The following ARSB variants were observed in gnomAD, a reference collection of about 807,000 sequenced individuals.
ARSB encodes arylsulfatase B.
ARSB carries 41 observed loss-of-function variants against 50.9 expected under a neutral mutation model. The ratio of observed to expected loss-of-function variants is 0.81; its 90% CI spans 0.63 to 1.04. ARSB has a LOEUF of 1.04. Among genes scored for constraint, ARSB ranks in the 50% least tolerant of loss-of-function variants. The pLI is 0.00. For missense variants in ARSB, 672 were observed against 693.3 expected, an observed-to-expected ratio of 0.97 and a Z score of 0.35; for synonymous variants, 269 against 284.8, an observed-to-expected ratio of 0.94 and a Z score of 0.56.
chr5:78,928,073 G>A (rs753073797), intron 4 of ARSB, among the ~76,000 whole-genome samples: 7 of 152,082 alleles, frequency 4.6e-5, no homozygotes, highest in Non-Finnish European at 7.4e-5. Context: ...CACATCCTTC[G>A]GGGAGTCACA....
intron 6 of ARSB, among the ~76,000 whole-genome samples, chr5:78,838,723 C>T (rs1195434320): frequency 1.3e-5 from 2 of 152,190 alleles, no homozygotes; most frequent in Non-Finnish European, 2.9e-5. Context: ...TAGGGCCACT[C>T]GCATGGTATT....
intron 6 of ARSB, among the ~76,000 whole-genome samples, chr5:78,807,921 G>A (rs1037492621): frequency 3.3e-4 from 50 of 150,964 alleles, no homozygotes; most frequent in African/African-American, 1.1e-3. Flanking sequence ...GTGAAACCCC[G>A]TCTCTACTAA....
intron 6 of ARSB, among the ~76,000 whole-genome samples, chr5:78,803,107 T>C (rs147068536): frequency 6.7e-4 from 102 of 152,362 alleles, no homozygotes; most frequent in African/African-American, 2.3e-3. Context: ...CTTATCTGAA[T>C]GCAATAAAGA....
Position 78,885,792 on chromosome 5 carries a change from A to G in ARSB, c.934T>C (p.Trp312Arg), listed in dbSNP as rs398123124. Reference protein sequence around the residue: ...GGQTLAGGNNWPLRGRKWSLW... With the variant: ...GGQTLAGGNNRPLRGRKWSLW... ...CTCCATTTTCTTCCTCGAAGGGGCC[A>G]GTTATTACCCCCTGCCAAAGTCTGC... Residue 312 changes from tryptophan (W) to arginine (R), a missense_variant, in exon 5 of 8, where the codon TGG becomes CGG. Coordinates refer to ENST00000264914, the MANE Select transcript of ARSB (RefSeq NM_000046.5). 31 of 1,614,070 alleles carry G rather than the reference A, an allele frequency of 1.9e-5. No homozygotes were observed. Among genetic ancestry groups the G allele is most frequent in the Non-Finnish European group, 2.5e-5 (29 of 1,180,044 alleles).
chr5:78,873,593 T>A (rs370898624), intron 5 of ARSB, among the ~76,000 whole-genome samples: 1 of 139,320 alleles, frequency 7.2e-6, no homozygotes, highest in African/African-American at 2.6e-5. Context: ...CCTCCCGGGT[T>A]CACGCCATTC....
chr5:78,912,388 A>C (rs536967655), intron 4 of ARSB, among the ~76,000 whole-genome samples: 1 of 152,342 alleles, frequency 6.6e-6, no homozygotes, highest in South Asian at 2.1e-4. Context: ...TGATTTGGTG[A>C]AGCCCACAGC....
At chr5:78,813,693 G>T (rs1033201805) in intron 6 of ARSB, among the ~76,000 whole-genome samples, 3 of 152,098 alleles carry the variant, frequency 2.0e-5, no homozygotes, top group Non-Finnish European at 4.4e-5. Context: ...GGAGCTCAAG[G>T]CTGCAGTGAG....
At chr5:78,961,477 A>T (rs1751980328) in intron 3 of ARSB, among the ~76,000 whole-genome samples, 1 of 152,184 alleles carries the variant, frequency 6.6e-6, no homozygotes, top group African/African-American at 2.4e-5. Flanking sequence ...ACAGTTACCT[A>T]CGAACAGCGG....
rs962008622 is a variant in ARSB, at chr5:78,871,026, C to A, written c.1142+14558G>T. ...AGCATTCCTATACACCAACAACAGA[C>A]AAACAGAGAGCCAAATCATGAGTGA... On this transcript the variant is annotated intron_variant, in intron 5 of 7. Coordinates refer to ENST00000264914, the MANE Select transcript of ARSB (RefSeq NM_000046.5). Among the ~76,000 whole-genome samples, 4 of 150,476 alleles carry A rather than the reference C, an allele frequency of 2.7e-5. No homozygotes were observed. The East Asian group carries it at 5.8e-4, about 22-fold the overall frequency.
chr5:78,806,096 T>C (rs1445330853), intron 6 of ARSB, among the ~76,000 whole-genome samples: 3 of 152,228 alleles, frequency 2.0e-5, no homozygotes, highest in African/African-American at 4.8e-5. Context: ...AGCAATACAA[T>C]AGAGAGAAAA....
Position 78,955,470 on chromosome 5 carries a change from C to A in ARSB, c.723G>T (p.Val241=), listed in dbSNP as rs199858121. 6.2e-7 allele frequency: 1 copy of A among 1,614,112 alleles called. No individual in the cohort carries two copies. The highest frequency in any genetic ancestry group is 8.5e-7 in the Non-Finnish European group (1 of 1,180,000). Residue 241 remains valine (V), a synonymous_variant, in exon 4 of 8, where the codon GTG becomes GTT. Coordinates refer to ENST00000264914, the MANE Select transcript of ARSB (RefSeq NM_000046.5). ...CCTCAGGGACCTGAAGGGGCTCATG[C>A]ACAGACTGGAGAGCAAGGTAGAGAA... ...PLFLYLALQS[V]HEPLQVPEEY...
chr5:78,863,831 TA>T (rs1438467731), intron 5 of ARSB, among the ~76,000 whole-genome samples: 6 of 152,084 alleles, frequency 3.9e-5, no homozygotes, highest in Non-Finnish European at 8.8e-5. Context: ...CTATCATCTT[TA>T]TTTCATAAAC....
At chr5:78,822,927 C>T (rs1321782663) in intron 6 of ARSB, among the ~76,000 whole-genome samples, 1 of 152,204 alleles carries the variant, frequency 6.6e-6, no homozygotes, top group Non-Finnish European at 1.5e-5. Flanking sequence ...TGAGCCAACA[C>T]GCCTGGCCTC....
chr5:78,811,889 A>G (rs1227891461), intron 6 of ARSB, among the ~76,000 whole-genome samples: 3 of 152,234 alleles, frequency 2.0e-5, no homozygotes, highest in Non-Finnish European at 4.4e-5. Flanking sequence ...CTAATTATAA[A>G]GGCAGATGAA....
At chr5:78,975,621 C>G (rs1752633116) in intron 1 of ARSB, among the ~76,000 whole-genome samples, 1 of 152,142 alleles carries the variant, frequency 6.6e-6, no homozygotes, top group African/African-American at 2.4e-5. Context: ...CTTTTCTTAA[C>G]TATTTTCCCA....
intron 1 of ARSB, among the ~76,000 whole-genome samples, chr5:78,980,973 C>T (rs1752881557): frequency 3.3e-4 from 1 of 3,018 alleles, no homozygotes; most frequent in Non-Finnish European, 4.8e-4. Flanking sequence ...TTTTTTGAGA[C>T]GGAGTCTCGC....
At position 78,985,158 on chromosome 5, in the gene ARSB, A is replaced by ACAC; in HGVS notation, c.90_91insGTG (p.Leu30_Leu31insVal). 1 of 1,451,200 alleles carries ACAC rather than the reference A, an allele frequency of 6.9e-7. No homozygotes were observed. The highest frequency in any genetic ancestry group is 9.1e-7 in the Non-Finnish European group (1 of 1,101,160). 89.9% of individuals were successfully genotyped at this position (1,451,200 alleles called of 1,614,324 possible). A position where few individuals can be genotyped will look rare whatever the true frequency, so the allele number is the denominator to read the frequency against. Reference sequence around the variant, plus strand: ...GCGCCCGAGCCCGGCGGCGCCAACAACAGCAGCAGCAGCAGCGGGAGGACG... The same window carrying ACAC: ...GCGCCCGAGCCCGGCGGCGCCAACAACACCAGCAGCAGCAGCAGCGGGAGGACG... On this transcript the variant is annotated inframe_insertion, in exon 1 of 8. Coordinates refer to ENST00000264914, the MANE Select transcript of ARSB (RefSeq NM_000046.5).
chr5:78,827,716 C>T (rs957892273), intron 6 of ARSB, among the ~76,000 whole-genome samples: 5 of 152,224 alleles, frequency 3.3e-5, no homozygotes, highest in Admixed American at 2.0e-4. Flanking sequence ...CAAGTCCTTT[C>T]AGGCAGTGCC....
intron 5 of ARSB, among the ~76,000 whole-genome samples, 170 bp from the exon 6 acceptor site, chr5:78,839,596 T>C (rs1433822895): frequency 3.3e-5 from 5 of 152,220 alleles, no homozygotes; most frequent in Non-Finnish European, 4.4e-5. Flanking sequence ...CAAGCAGTCA[T>C]CGTTTGTTTA....
Sources: gnomAD v4.1 joint callset for allele counts (sites outside exome capture counted in the v4.1 genomes callset) on GRCh38, gnomAD v4.1.1 for gene constraint, MANE v1.5 for transcripts, NCBI Gene and HGNC (gene_info 2026-07-23, HGNC 2026-07-21) for gene names.